The following LACTBL1 variants were observed in gnomAD, a reference collection of about 807,000 sequenced individuals.
LACTBL1 encodes beta-lactamase-like protein 1.
In LACTBL1, 29 loss-of-function variants were observed where a neutral mutation model predicts 39.6. That is an observed-to-expected ratio of 0.73 (90% CI 0.55 to 1.00). The LOEUF (loss-of-function observed/expected upper bound fraction) is 1.00, where lower values mean the gene tolerates loss of function less well. Among genes scored for constraint, LACTBL1 ranks in the 50% least tolerant of loss-of-function variants. The pLI is 0.00. For missense variants in LACTBL1, 711 were observed against 748.5 expected (o/e 0.95, Z 0.59); for synonymous variants, 361 against 360.7 (o/e 1.00, Z -0.01).
exon 6 of LACTBL1, chr1:22,953,885 G>A (rs1640736387): frequency 6.5e-7 from 1 of 1,549,810 alleles, no homozygotes; most frequent in Non-Finnish European, 8.7e-7. Flanking sequence ...CGCACGTCGG[G>A]CGTGAGGTCA....
At chr1:22,955,784 C>T (rs969227399) in intron 4 of LACTBL1, among the ~76,000 whole-genome samples, 4 of 152,160 alleles carry the variant, frequency 2.6e-5, no homozygotes, top group South Asian at 2.1e-4. Context: ...AGTTTGGGGC[C>T]GGGCGCGGTG....
At chr1:22,958,144 T>A (rs1304902218) in intron 4 of LACTBL1, among the ~76,000 whole-genome samples, 1 of 152,204 alleles carries the variant, frequency 6.6e-6, no homozygotes, top group Non-Finnish European at 1.5e-5. Flanking sequence ...TCTTACTATG[T>A]CATTAATCAT....
intron 4 of LACTBL1, among the ~76,000 whole-genome samples, chr1:22,956,454 T>C (rs1419903599): frequency 6.6e-6 from 1 of 152,098 alleles, no homozygotes; most frequent in Non-Finnish European, 1.5e-5. Context: ...CCACATCCAT[T>C]GACTGAGACT....
chr1:22,953,223 G>T, exon 6 of LACTBL1: 2 of 1,232,080 alleles, frequency 1.6e-6, no homozygotes, highest in Non-Finnish European at 2.0e-6. Context: ...AGGGGAACTC[G>T]TGGGCCACGT....
exon 6 of LACTBL1, chr1:22,953,458 A>T (rs1278428915): frequency 1.6e-6 from 2 of 1,227,342 alleles, no homozygotes; most frequent in Non-Finnish European, 2.0e-6. Flanking sequence ...GGCGCGCTCC[A>T]GGGCGGGCAG....
upstream of LACTBL1, chr1:22,965,386 A>T: frequency 7.9e-7 from 1 of 1,261,292 alleles, no homozygotes; most frequent in Non-Finnish European, 1.0e-6. Context: ...GGGAGGAGCC[A>T]CTTCTTCTTC....
At chr1:22,968,750 G>A (rs1434608273), upstream of LACTBL1, among the ~76,000 whole-genome samples, 4 of 152,132 alleles carry the variant, frequency 2.6e-5, no homozygotes, top group Non-Finnish European at 5.9e-5. Flanking sequence ...ACCTCCCTGT[G>A]CTTCTGTTTC....
At chr1:22,953,309 G>A in exon 6 of LACTBL1, 1 of 1,226,164 alleles carries the variant, frequency 8.2e-7, no homozygotes, top group Non-Finnish European at 1.0e-6. Flanking sequence ...GCCTCCACGC[G>A]CGGCCCGAAC....
Position 22,953,655 on chromosome 1 carries a change from G to A in LACTBL1, c.1029C>T (p.Asn343=), listed in dbSNP as rs910819754. 1 of 1,271,766 alleles carries A rather than the reference G, an allele frequency of 7.9e-7. No individual in the cohort carries two copies. The highest frequency in any genetic ancestry group is 9.9e-7 in the Non-Finnish European group (1 of 1,013,682). 78.8% of individuals were successfully genotyped at this position (1,271,766 alleles called of 1,614,324 possible). ...GGAACTCCCACGGCGTGCCCGTCTC[G>A]TTGGCGAAGTAGGCGCCCGGGCAGG... The change falls in exon 6 of 6, where the codon AAC becomes AAT. Residue 343 remains asparagine (N), a synonymous_variant. Coordinates refer to ENST00000426928, the Ensembl canonical transcript of LACTBL1.
intron 1 of LACTBL1, among the ~76,000 whole-genome samples, chr1:22,963,724 G>A (rs911640974): frequency 4.6e-5 from 7 of 152,116 alleles, no homozygotes; most frequent in Admixed American, 1.3e-4. Flanking sequence ...CACCTCAGGC[G>A]AGAAGGTGAA....
chr1:22,954,071 C>T, intron 5 of LACTBL1, 47 bp from the exon 8 acceptor site: 2 of 1,467,674 alleles, frequency 1.4e-6, no homozygotes, highest in Non-Finnish European at 1.8e-6. Flanking sequence ...TCCTCACCCG[C>T]CCGCGCTGTC....
At chr1:22,963,933 A>C (rs1415842343) in intron 1 of LACTBL1, among the ~76,000 whole-genome samples, 2 of 152,056 alleles carry the variant, frequency 1.3e-5, no homozygotes, top group African/African-American at 4.8e-5. Flanking sequence ...ATGACCATAA[A>C]TTCTTGAGAC....
At position 22,955,309 on chromosome 1, in the gene LACTBL1, TATGCTCCTCACCTGGTTCCCGGGTCCAC is replaced by T. The variant is rs1640750169; in HGVS notation, c.643_659+11del. 1.3e-6 allele frequency: 2 copies of T among 1,546,508 alleles called. No individual in the cohort carries two copies. Among genetic ancestry groups the T allele is most frequent in the African/African-American group, 2.7e-5 (2 of 72,928 alleles). Reference sequence around the variant, plus strand: ...CCTAACATGAGGCTGGGCATCAGGGTATGCTCCTCACCTGGTTCCCGGGTCCACTACCAGCACATCGTCCTTGAGCAGG... The same window carrying T: ...CCTAACATGAGGCTGGGCATCAGGGTTACCAGCACATCGTCCTTGAGCAGG... On this transcript the variant is annotated splice_donor_variant and splice_donor_5th_base_variant and coding_sequence_variant and intron_variant, in exon 5 of 6. Transcript: ENST00000426928. LOFTEE classifies it high-confidence loss of function.
rs1437503478 is a variant in LACTBL1, at chr1:22,960,109, A to G, written c.160-10T>C. On this transcript the variant is annotated splice_polypyrimidine_tract_variant and intron_variant, in intron 2 of 5. Coordinates refer to ENST00000426928, the Ensembl canonical transcript of LACTBL1. ...GCAGGATCTGGTCCACCTTGAGGGA[A>G]AAGAACGGGTGCAGTGACAGGCCCC... The G allele has an allele frequency of 2.6e-6, 4 of 1,550,304 alleles. No homozygotes were observed. In the East Asian group the frequency reaches 9.8e-5, roughly 38 times the overall value.
the LACTBL1 span, chr1:22,972,772 C>T: frequency 2.1e-5 from 15 of 714,658 alleles, no homozygotes; most frequent in Admixed American, 7.5e-4. Context: ...CACAACTTAC[C>T]CTCTCCAGAA....
chr1:22,957,995 T>A (rs1253155680), intron 4 of LACTBL1, among the ~76,000 whole-genome samples: 2 of 152,192 alleles, frequency 1.3e-5, no homozygotes. Context: ...TCAATTCTGT[T>A]CCTCTCCTTT....
chr1:22,967,247 T>C (rs1387925470), upstream of LACTBL1, among the ~76,000 whole-genome samples: 1 of 152,132 alleles, frequency 6.6e-6, no homozygotes, highest in Non-Finnish European at 1.5e-5. Flanking sequence ...TGTGTGCCTG[T>C]AATCCCAGCT....
chr1:22,957,727 T>C (rs1286287131), intron 4 of LACTBL1, among the ~76,000 whole-genome samples: 1 of 138,482 alleles, frequency 7.2e-6, no homozygotes, highest in East Asian at 2.5e-4. Context: ...CTCAGCTCAC[T>C]GCAACCTCCG....
In LACTBL1 at chr1:22,960,061, G is replaced by T. The variant is rs760518535; in HGVS notation, c.198C>A (p.Gly66=). 31 of 1,550,552 alleles carry T rather than the reference G, an allele frequency of 2.0e-5. No individual in the cohort carries two copies. In the East Asian group the frequency reaches 2.4e-4, roughly 12 times the overall value. The change falls in exon 3 of 6, where the codon GGC becomes GGA. Residue 66 remains glycine, a synonymous_variant. Transcript: ENST00000426928. ...TGACAACTGCAGACATGGCAGCCAC[G>T]CCTGGGGCAGACATTGCCTGGCGCA...
Sources: allele counts gnomAD v4.1 joint callset (sites outside exome capture counted in the v4.1 genomes callset), GRCh38; gene constraint gnomAD v4.1.1; transcripts MANE v1.5; gene names NCBI Gene and HGNC (gene_info 2026-07-23, HGNC 2026-07-21).